RAB27A: variants seen among roughly 807,000 people sequenced by gnomAD.
RAB27A encodes the protein ras-related protein Rab-27A.
Under a neutral mutation model 20.8 loss-of-function variants are expected in RAB27A, and 17 were observed. That is an observed-to-expected ratio of 0.82 (90% confidence interval 0.56 to 1.23). RAB27A has a LOEUF of 1.23. Among genes scored for constraint, RAB27A ranks in the 50% most tolerant of loss-of-function variants. The pLI is 0.00. For missense variants in RAB27A, 277 were observed against 266.7 expected, an observed-to-expected ratio of 1.04 and a Z score of -0.27; for synonymous variants, 85 against 92.8, an observed-to-expected ratio of 0.92 and a Z score of 0.48.
At chr15:55,205,935 G>T (rs1163375408) in intron 6 of RAB27A, among the ~76,000 whole-genome samples, 1 of 152,000 alleles carries the variant, frequency 6.6e-6, no homozygotes, top group Non-Finnish European at 1.5e-5. Flanking sequence ...TCAATTTTTG[G>T]CTGGGCGCAG....
At position 55,234,640 on chromosome 15, in the gene RAB27A, G is replaced by A. The variant is rs558971470; in HGVS notation, c.153+142C>T. On this transcript the variant is annotated intron_variant, in intron 3 of 6. Transcript: ENST00000336787. ...ACAGCCTTTTCAATCATGTTGCCTGGATTGAACATAACTCACTTTCATATG... is the reference window on the plus strand; with the variant it reads ...ACAGCCTTTTCAATCATGTTGCCTGAATTGAACATAACTCACTTTCATATG... 323 of 895,904 alleles carry A rather than the reference G, an allele frequency of 3.6e-4. 2 individuals are homozygous for A. The South Asian group carries it at 3.9e-3, about 11-fold the overall frequency. The allele number at this position is 895,904 out of a possible 1,614,324, so 55.5% of individuals were successfully genotyped here.
At chr15:55,222,523 G>A (rs1041522226) in intron 6 of RAB27A, among the ~76,000 whole-genome samples, 1 of 152,018 alleles carries the variant, frequency 6.6e-6, no homozygotes, top group Non-Finnish European at 1.5e-5. Context: ...AAGGCTTTCA[G>A]CAACTCCCTG....
chr15:55,212,839 T>G (rs1051198571), intron 6 of RAB27A, among the ~76,000 whole-genome samples: 1 of 152,216 alleles, frequency 6.6e-6, no homozygotes, highest in Non-Finnish European at 1.5e-5. Flanking sequence ...CATCAAATCT[T>G]AAGTATACAT....
chr15:55,284,711 T>C (rs1595747963), intron 1 of RAB27A, among the ~76,000 whole-genome samples: 2 of 152,220 alleles, frequency 1.3e-5, no homozygotes, highest in African/African-American at 4.8e-5. Flanking sequence ...AACTTCTTCA[T>C]GACCTCTTAA....
chr15:55,304,682 C>T (rs941279506), intron 2 of RAB27A, among the ~76,000 whole-genome samples: 5 of 152,130 alleles, frequency 3.3e-5, no homozygotes, highest in African/African-American at 1.2e-4. Context: ...ATAGCACATA[C>T]TTCATTTATC....
intron 2 of RAB27A, among the ~76,000 whole-genome samples, chr15:55,269,397 C>T (rs1481219462): frequency 1.3e-5 from 2 of 152,052 alleles, no homozygotes; most frequent in African/African-American, 2.4e-5. Context: ...GATTTAATTC[C>T]CAGAAGAAAT....
chr15:55,235,079 T>C (rs1896200475), intron 2 of RAB27A, 123 bp from the exon 3 acceptor site: 2 of 789,294 alleles, frequency 2.5e-6, no homozygotes, highest in Admixed American at 2.3e-5. Context: ...ACGGGTTGTA[T>C]GAAAAGAGAG....
Position 55,204,864 on chromosome 15 carries a change from C to T in RAB27A, c.*643G>A, listed in dbSNP as rs2140888725. The stretch of plus-strand genomic sequence containing the variant: ...TAAGCCAGCCTGCCCCACCCCAATC[C>T]CCTTCCCACCAATAAAAAAGTCACC... On this transcript the variant is annotated 3_prime_UTR_variant, in exon 7 of 7. Coordinates refer to ENST00000336787, the MANE Select transcript of RAB27A (RefSeq NM_183235.3). 6.5e-6 allele frequency: 1 copy of T among 153,474 alleles called. No individual in the cohort carries two copies. Among genetic ancestry groups the T allele is most frequent in the East Asian group, 1.9e-4 (1 of 5,198 alleles). The allele number at this position is 153,474 out of a possible 1,614,324, so 9.5% of individuals were successfully genotyped here. A position where few individuals can be genotyped will look rare whatever the true frequency, so the allele number is the denominator to read the frequency against.
At chr15:55,302,058 T>G (rs1325981956) in intron 2 of RAB27A, among the ~76,000 whole-genome samples, 1 of 151,662 alleles carries the variant, frequency 6.6e-6, no homozygotes, top group Non-Finnish European at 1.5e-5. Context: ...GTGCCTGTGA[T>G]CCCACCTATT....
chr15:55,316,251 AAAG>A (rs2055043197), intron 1 of RAB27A, among the ~76,000 whole-genome samples: 3 of 152,032 alleles, frequency 2.0e-5, no homozygotes, highest in South Asian at 4.2e-4. Flanking sequence ...AAAAAAAAAA[AAAG>A]AATTTATGTA....
At chr15:55,233,562 G>A (rs1027165645) in intron 3 of RAB27A, among the ~76,000 whole-genome samples, 11 of 152,286 alleles carry the variant, frequency 7.2e-5, no homozygotes, top group African/African-American at 1.2e-4. Flanking sequence ...CAGGCTGAAT[G>A]TAAGAAGCCA....
chr15:55,219,802 A>G (rs897112504), intron 6 of RAB27A, among the ~76,000 whole-genome samples: 1 of 152,186 alleles, frequency 6.6e-6, no homozygotes, highest in South Asian at 2.1e-4. Flanking sequence ...TTCATTGACA[A>G]TATCACTCAA....
At chr15:55,254,909 C>G (rs1897024890) in intron 2 of RAB27A, among the ~76,000 whole-genome samples, 2 of 152,144 alleles carry the variant, frequency 1.3e-5, no homozygotes, top group African/African-American at 2.4e-5. Flanking sequence ...GTTGGAAACA[C>G]AATTTAGTTG....
chr15:55,209,867 T>TAC (rs1215783369), intron 6 of RAB27A, among the ~76,000 whole-genome samples: 247 of 13,908 alleles, frequency 0.018, 19 homozygotes, highest in South Asian at 0.1. Flanking sequence ...TATATACATA[T>TAC]ATACATATAT....
intron 6 of RAB27A, among the ~76,000 whole-genome samples, chr15:55,216,797 T>G (rs4632077): frequency 0.095 from 14,433 of 152,166 alleles, 726 homozygotes; most frequent in South Asian, 0.17. Flanking sequence ...CTGGCCAAAG[T>G]GCTTTGTGCC....
chr15:55,219,174 G>A (rs1048910283), intron 6 of RAB27A, among the ~76,000 whole-genome samples: 1 of 152,182 alleles, frequency 6.6e-6, no homozygotes, highest in Non-Finnish European at 1.5e-5. Flanking sequence ...TAGTCACAGA[G>A]TGAAGCCCTT....
intron 2 of RAB27A, among the ~76,000 whole-genome samples, chr15:55,308,960 G>A (rs1009336321): frequency 6.6e-6 from 1 of 152,178 alleles, no homozygotes; most frequent in African/African-American, 2.4e-5. Context: ...TTGCAAGCTC[G>A]TCCCTCGGAC....
intron 2 of RAB27A, among the ~76,000 whole-genome samples, chr15:55,296,306 G>A (rs1430842711): frequency 1.3e-5 from 2 of 148,828 alleles, no homozygotes; most frequent in Non-Finnish European, 3.0e-5. Context: ...GACCAGCCTG[G>A]CCAACAGGGT....
chr15:55,234,586 T>G (rs1216516858), intron 3 of RAB27A, among the ~76,000 whole-genome samples, 196 bp downstream of exon 3: 2 of 152,202 alleles, frequency 1.3e-5, no homozygotes, highest in East Asian at 3.9e-4. Flanking sequence ...CCACTTTGTC[T>G]GCCTGGTTTT....
Sources: gnomAD v4.1 joint callset for allele counts (sites outside exome capture counted in the v4.1 genomes callset) on GRCh38, gnomAD v4.1.1 for gene constraint, MANE v1.5 for transcripts, NCBI Gene and HGNC (gene_info 2026-07-23, HGNC 2026-07-21) for gene names.